ZNF599: variants seen among roughly 807,000 people sequenced by gnomAD.
The protein encoded by ZNF599 is zinc finger protein 599.
A neutral mutation model predicts 11.7 loss-of-function variants in ZNF599; 10 were observed. The ratio of observed to expected loss-of-function variants is 0.86; its 90% CI spans 0.53 to 1.45. The LOEUF (loss-of-function observed/expected upper bound fraction) is 1.45. Ranked by LOEUF, ZNF599 falls within the 40% of genes most tolerant of loss-of-function variation. ZNF599 has a pLI of 0.00. For missense variants in ZNF599, 688 were observed against 713.6 expected, an observed-to-expected ratio of 0.96 and a Z score of 0.41; for synonymous variants, 232 against 253.2, an observed-to-expected ratio of 0.92 and a Z score of 0.79.
chr19:34,779,590 T>C, the ZNF599 span: 1 of 411,964 alleles, frequency 2.4e-6, no homozygotes, highest in South Asian at 1.8e-5. Flanking sequence ...CTGCTCCAGA[T>C]GGAAAGGCAG....
the ZNF599 span, among the ~76,000 whole-genome samples, chr19:34,790,111 C>A: frequency 6.6e-6 from 1 of 152,162 alleles, no homozygotes. Flanking sequence ...AGAGACTGTC[C>A]TTTTCCCATG....
chr19:34,775,956 A>T (rs986915669), upstream of ZNF599, among the ~76,000 whole-genome samples: 9 of 152,220 alleles, frequency 5.9e-5, no homozygotes, highest in African/African-American at 2.2e-4. Context: ...GGAAATGAGT[A>T]GTTGCTAAAT....
At chr19:34,787,948 T>A in the ZNF599 span, among the ~76,000 whole-genome samples, 1 of 152,198 alleles carries the variant, frequency 6.6e-6, no homozygotes, top group African/African-American at 2.4e-5. Context: ...TTCAACCAAC[T>A]GTGGATTAAA....
chr19:34,793,193 T>G, the ZNF599 span, among the ~76,000 whole-genome samples: 3 of 152,182 alleles, frequency 2.0e-5, no homozygotes, highest in Non-Finnish European at 4.4e-5. Flanking sequence ...ATGGTATACC[T>G]CAAATTAACA....
At chr19:34,772,583 G>A in intron 1 of ZNF599, 1 of 1,336,616 alleles carries the variant, frequency 7.5e-7, no homozygotes, top group Middle Eastern at 2.4e-4. Context: ...AGGGCAGCGA[G>A]GCGACAGCTC....
In ZNF599 at chr19:34,759,814, A is replaced by C; in HGVS notation, c.987T>G (p.His329Gln). The C allele has an allele frequency of 6.2e-7, 1 of 1,614,184 alleles. No homozygotes were observed. The highest frequency in any genetic ancestry group is 1.1e-5 in the South Asian group (1 of 91,082). The change falls in exon 4 of 4, where the codon CAT becomes CAG. Residue 329 changes from histidine (H) to glutamine (Q), a missense_variant. His to Gln is a conservative substitution (Grantham distance 24). Coordinates refer to ENST00000329285, the MANE Select transcript of ZNF599 (RefSeq NM_001007248.3). The stretch of plus-strand genomic sequence containing the variant: ...GTTTCTTTCCAGTATGAATCCTCAT[A>C]TGTTGAGCAAATGAGGAGCTGTAGT... Reference protein sequence around the residue: ...AFYYSSSFAQHMRIHTGKKLY... With the variant: ...AFYYSSSFAQQMRIHTGKKLY...
chr19:34,795,670 T>C, the ZNF599 span, among the ~76,000 whole-genome samples: 1 of 152,170 alleles, frequency 6.6e-6, no homozygotes, highest in Non-Finnish European at 1.5e-5. Flanking sequence ...ATACTCCTCA[T>C]TGTTCAGCCA....
chr19:34,784,893 A>G, the ZNF599 span, among the ~76,000 whole-genome samples: 75 of 149,332 alleles, frequency 5.0e-4, no homozygotes, highest in Middle Eastern at 0.01. Flanking sequence ...GCATTGCACC[A>G]TGACCAGAAA....
chr19:34,790,356 C>T, the ZNF599 span, among the ~76,000 whole-genome samples: 3 of 151,462 alleles, frequency 2.0e-5, no homozygotes, highest in African/African-American at 7.3e-5. Context: ...ACAGGAAGTA[C>T]AAAGAATGAA....
the ZNF599 span, among the ~76,000 whole-genome samples, chr19:34,797,813 G>A: frequency 6.6e-6 from 1 of 152,316 alleles, no homozygotes; most frequent in East Asian, 1.9e-4. Flanking sequence ...ATAGAAGCAG[G>A]ATGTGAAACT....
At chr19:34,789,654 T>C in the ZNF599 span, among the ~76,000 whole-genome samples, 1 of 152,232 alleles carries the variant, frequency 6.6e-6, no homozygotes, top group Non-Finnish European at 1.5e-5. Context: ...ATGTCTTCTT[T>C]AGATGCTAAA....
the ZNF599 span, among the ~76,000 whole-genome samples, chr19:34,791,416 C>G: frequency 1.3e-5 from 2 of 152,166 alleles, no homozygotes; most frequent in African/African-American, 2.4e-5. Flanking sequence ...CTGTGTGGAC[C>G]TGTGTGGATC....
chr19:34,762,192 C>G (rs2069117472), intron 3 of ZNF599, among the ~76,000 whole-genome samples: 1 of 152,180 alleles, frequency 6.6e-6, no homozygotes, highest in Non-Finnish European at 1.5e-5. Context: ...ATATTATGCA[C>G]TGATATTTCA....
intron 3 of ZNF599, chr19:34,766,824 C>G (rs1600157781): frequency 6.5e-6 from 1 of 153,746 alleles, no homozygotes; most frequent in Admixed American, 6.4e-5. Flanking sequence ...GCCCTTCTCT[C>G]CCATTCCTCT....
At position 34,767,056 on chromosome 19, in the gene ZNF599, G is replaced by A. The variant is rs116127646; in HGVS notation, c.241+260C>T. ...ACTTATATACCAAAGGCACAGTGAC[G>A]TCACACAACCTCTCCAGAGTCATGA... On this transcript the variant is annotated intron_variant, in intron 3 of 3. Transcript: ENST00000329285. 6.3e-3 allele frequency: 2,393 copies of A among 381,168 alleles called. 37 individuals are homozygous for A. The highest frequency in any genetic ancestry group is 0.045 in the African/African-American group (2,231 of 49,082). The allele number at this position is 381,168 out of a possible 1,614,324, so 23.6% of individuals were successfully genotyped here.
At chr19:34,777,406 AT>A (rs2069224164), upstream of ZNF599, among the ~76,000 whole-genome samples, 1 of 93,042 alleles carries the variant, frequency 1.1e-5, no homozygotes, top group Non-Finnish European at 2.0e-5. Flanking sequence ...TATATATTAT[AT>A]ATAATATATA....
At chr19:34,762,997 C>T (rs368002714) in intron 3 of ZNF599, 9 of 151,970 alleles carry the variant, frequency 5.9e-5, no homozygotes, top group Admixed American at 3.9e-4. Context: ...CTCAAATTAC[C>T]AAAACGGACA....
chr19:34,783,423 G>A, the ZNF599 span, among the ~76,000 whole-genome samples: 1 of 152,188 alleles, frequency 6.6e-6, no homozygotes, highest in African/African-American at 2.4e-5. Flanking sequence ...TGGGTTATAT[G>A]GGTGCTCCTT....
chr19:34,801,802 G>A, the ZNF599 span, among the ~76,000 whole-genome samples: 4 of 152,194 alleles, frequency 2.6e-5, no homozygotes, highest in African/African-American at 9.7e-5. Flanking sequence ...GACTTATTTG[G>A]CACAAGAAAT....
Sources: allele counts gnomAD v4.1 joint callset (sites outside exome capture counted in the v4.1 genomes callset), GRCh38; gene constraint gnomAD v4.1.1; transcripts MANE v1.5; gene names NCBI Gene and HGNC (gene_info 2026-07-23, HGNC 2026-07-21).